Variants in OLIG3 observed in about 807,000 individuals in gnomAD.
OLIG3 encodes oligodendrocyte transcription factor 3, also known as class B basic helix-loop-helix protein 7.
OLIG3 carries 12 observed loss-of-function variants against 14.7 expected under a neutral mutation model. That is an observed-to-expected ratio of 0.82 (90% confidence interval 0.52 to 1.32). OLIG3 has a LOEUF of 1.32. Ranked by LOEUF, OLIG3 falls within the 40% of genes most tolerant of loss-of-function variation. OLIG3 has a pLI of 0.00. For synonymous variants in OLIG3, 192 were observed against 171.4 expected (o/e 1.12, Z -0.94); for missense variants, 405 against 373.7 (o/e 1.08, Z -0.69).
rs528528791 is a variant in OLIG3, at chr6:137,493,658, G to A, written c.513C>T (p.Pro171=). 5.0e-6 allele frequency: 8 copies of A among 1,609,260 alleles called. No individual in the cohort carries two copies. Among genetic ancestry groups the A allele is most frequent in the Admixed American group, 3.3e-5 (2 of 59,958 alleles). Residue 171 remains proline, a synonymous_variant, in exon 1 of 1, where the codon CCC becomes CCT. Coordinates refer to ENST00000367734, the MANE Select transcript of OLIG3 (RefSeq NM_175747.2). The surrounding 1 kb of genome is among the most constrained non-coding windows in gnomAD (Gnocchi z 6.1). ...CGTVGHSAGH[P]AHAANSVHPV... ...GGTGCACGGAGTTGGCCGCGTGCGC[G>A]GGGTGGCCGGCCGAGTGGCCCACGG... is the stretch of plus-strand genomic sequence containing the variant.
At position 137,493,570 on chromosome 6, in the gene OLIG3, C is replaced by T. The variant is rs200172504; in HGVS notation, c.601G>A (p.Ala201Thr). ...ATGGTGCCGATGGCGGGAAGTGAGG[C>T]GGCGGACAGCGGTGACGAGGCGTTG... Reference protein sequence around the residue: ...SGNASSPLSAASLPAIGTIRP... With the variant: ...SGNASSPLSATSLPAIGTIRP... The change falls in exon 1 of 1, where the codon GCC becomes ACC. Residue 201 changes from alanine (A) to threonine (T), a missense_variant. Ala to Thr is a moderately conservative substitution (Grantham distance 58). This residue lies in a region of OLIG3 where 230 missense variants were observed against 178.5 expected (regional missense o/e 1.29). Coordinates refer to ENST00000367734, the MANE Select transcript of OLIG3 (RefSeq NM_175747.2). This position sits in a 1 kb window ranked among gnomAD's most constrained non-coding sequence, Gnocchi z 6.1. The T allele has an allele frequency of 3.1e-6, 5 of 1,588,626 alleles. No individual in the cohort carries two copies. The Admixed American group carries it at 8.8e-5, about 28-fold the overall frequency.
Position 137,494,181 on chromosome 6 carries a change from G to T in OLIG3, c.-11C>A. The T allele has an allele frequency of 5.0e-6, 8 of 1,607,246 alleles. No individual in the cohort carries two copies. The highest frequency in any genetic ancestry group is 6.8e-6 in the Non-Finnish European group (8 of 1,175,644). ...CGAATCAGAATTCATTTTATTACAG[G>T]GGATGCGGCCCTACCGTGGGGAGGC... On this transcript the variant is annotated 5_prime_UTR_variant, in exon 1 of 1. Coordinates refer to ENST00000367734, the MANE Select transcript of OLIG3 (RefSeq NM_175747.2).
Position 137,493,167 on chromosome 6 carries a change from T to C in OLIG3, c.*185A>G. The C allele has an allele frequency of 1.9e-6, 1 of 531,250 alleles. No homozygotes were observed. 32.9% of individuals were successfully genotyped at this position (531,250 alleles called of 1,614,324 possible). On this transcript the variant is annotated 3_prime_UTR_variant, in exon 1 of 1. Coordinates refer to ENST00000367734, the MANE Select transcript of OLIG3 (RefSeq NM_175747.2). The surrounding 1 kb of genome is among the most constrained non-coding windows in gnomAD (Gnocchi z 6.1). ...CTACCACCTAGAAATTGCGGTTTGA[T>C]TTTGGTCCTTTCCCTCCGGGGGTCA...
At position 137,493,507 on chromosome 6, in the gene OLIG3, G is replaced by A. The variant is rs1198351860; in HGVS notation, c.664C>T (p.Pro222Ser). Reference sequence around the variant, plus strand: ...CCGCTGCCCAGCTGCAGCGCGGGCGGCGTGGAGGGCGCCTTGAGTAGCGAG... The same window carrying A: ...CCGCTGCCCAGCTGCAGCGCGGGCGACGTGGAGGGCGCCTTGAGTAGCGAG... ...PHSLLKAPST[P>S]PALQLGSGFQ... The change falls in exon 1 of 1, where the codon CCG (proline) becomes TCG (serine). Residue 222 changes from proline (P) to serine (S), a missense_variant. By Grantham distance (74) the Pro-to-Ser change is moderately conservative (BLOSUM62 -1). Coordinates refer to ENST00000367734, the MANE Select transcript of OLIG3 (RefSeq NM_175747.2). The surrounding 1 kb of genome is among the most constrained non-coding windows in gnomAD (Gnocchi z 6.1). 1 of 1,572,232 alleles carries A rather than the reference G, an allele frequency of 6.4e-7. No homozygotes were observed. Among genetic ancestry groups the A allele is most frequent in the South Asian group, 1.2e-5 (1 of 85,890 alleles).
Position 137,492,879 on chromosome 6 carries a change from A to C in OLIG3, c.*473T>G, listed in dbSNP as rs1192452208. The C allele has an allele frequency of 6.4e-6, 1 of 156,004 alleles. No individual in the cohort carries two copies. The highest frequency in any genetic ancestry group is 1.4e-5 in the Non-Finnish European group (1 of 70,332). The allele number at this position is 156,004 out of a possible 1,614,324, so 9.7% of individuals were successfully genotyped here. A position where few individuals can be genotyped will look rare whatever the true frequency, so the allele number is the denominator to read the frequency against. On this transcript the variant is annotated 3_prime_UTR_variant, in exon 1 of 1. Transcript: ENST00000367734. ...TAGAAAAACTGTGGCAAGGACAGAG[A>C]CAATCATAATCGCATCCATCTCAAG...
chr6:137,493,781 G>A lies in OLIG3; in HGVS notation c.390C>T (p.Ala130=). 1 of 1,614,198 alleles carries A rather than the reference G, an allele frequency of 6.2e-7. No homozygotes were observed. Among genetic ancestry groups the A allele is most frequent in the Non-Finnish European group, 8.5e-7 (1 of 1,180,042 alleles). ...KLSKIATLLL[A]RNYILMLTSS... is the part of the protein sequence containing the mutation. Reference sequence around the variant, plus strand: ...TGGTGAGCATGAGGATGTAGTTTCTGGCGAGCAGGAGTGTGGCGATCTTGG... The same window carrying A: ...TGGTGAGCATGAGGATGTAGTTTCTAGCGAGCAGGAGTGTGGCGATCTTGG... Residue 130 remains alanine (A), a synonymous_variant, in exon 1 of 1, where the codon GCC becomes GCT. Transcript: ENST00000367734. This position sits in a 1 kb window ranked among gnomAD's most constrained non-coding sequence, Gnocchi z 6.1.
rs566103312 is a variant in OLIG3, at chr6:137,493,287, C to T, written c.*65G>A. 1.5e-4 allele frequency: 198 copies of T among 1,350,974 alleles called. No homozygotes were observed. In the African/African-American group the frequency reaches 2.7e-3, roughly 18 times the overall value. The allele number at this position is 1,350,974 out of a possible 1,614,324, so 83.7% of individuals were successfully genotyped here. ...AGCGTGCAGCCTCCCTCTTCCCTCC[C>T]GGCCCGGCACCGCGGCCCCTCCCGC... On this transcript the variant is annotated 3_prime_UTR_variant, in exon 1 of 1. Transcript: ENST00000367734. The surrounding 1 kb of genome is among the most constrained non-coding windows in gnomAD (Gnocchi z 6.1).
rs757980550 is a variant in OLIG3, at chr6:137,493,367, C to A, written c.804G>T (p.Lys268Asn). 3.8e-6 allele frequency: 6 copies of A among 1,587,984 alleles called. No individual in the cohort carries two copies. The highest frequency in any genetic ancestry group is 3.5e-4 in the Middle Eastern group (2 of 5,642). ...CGCCCGCTGCTCACTTGAGCAAGTC[C>A]TTGGACTCGGCCGACAGCCGGGCCA... Reference protein sequence around the residue: ...ANMARLSAESKDLLK With the variant: ...ANMARLSAESNDLLK Residue 268 changes from lysine (K) to asparagine (N), a missense_variant, in exon 1 of 1, where the codon AAG (lysine) becomes AAT (asparagine). Physicochemically the swap from Lys to Asn is moderately conservative, Grantham distance 94. This residue lies in a region of OLIG3 where 230 missense variants were observed against 178.5 expected (regional missense o/e 1.29). Coordinates refer to ENST00000367734, the MANE Select transcript of OLIG3 (RefSeq NM_175747.2). This position sits in a 1 kb window ranked among gnomAD's most constrained non-coding sequence, Gnocchi z 6.1.
chr6:137,494,206 C>T lies in OLIG3; in HGVS notation c.-36G>A, dbSNP rs745379379. 4.6e-6 allele frequency: 7 copies of T among 1,516,642 alleles called. No homozygotes were observed. Among genetic ancestry groups the T allele is most frequent in the Non-Finnish European group, 5.3e-6 (6 of 1,123,096 alleles). The allele number at this position is 1,516,642 out of a possible 1,614,324, so 93.9% of individuals were successfully genotyped here. ...GGGATGCGGCCCTACCGTGGGGAGGCTTTAGGCGGGAAATTAAAGAAAATC... is the reference window on the plus strand; with the variant it reads ...GGGATGCGGCCCTACCGTGGGGAGGTTTTAGGCGGGAAATTAAAGAAAATC... On this transcript the variant is annotated 5_prime_UTR_variant, in exon 1 of 1. Coordinates refer to ENST00000367734, the MANE Select transcript of OLIG3 (RefSeq NM_175747.2).
In OLIG3 at chr6:137,493,985, C is replaced by G; in HGVS notation, c.186G>C (p.Lys62Asn). 1 of 1,613,912 alleles carries G rather than the reference C, an allele frequency of 6.2e-7. No individual in the cohort carries two copies. The highest frequency in any genetic ancestry group is 8.5e-7 in the Non-Finnish European group (1 of 1,180,048). The change falls in exon 1 of 1, where the codon AAG (lysine) becomes AAC (asparagine). Residue 62 changes from lysine (K) to asparagine (N), a missense_variant. Physicochemically the swap from Lys to Asn is moderately conservative, Grantham distance 94. Transcript: ENST00000367734. The surrounding 1 kb of genome is among the most constrained non-coding windows in gnomAD (Gnocchi z 6.1). ...TGTACTTGCTGCTCTCTCCCGCGGCCTTGGCGCCAGCCCGCGAGAGGCTTT... is the reference window on the plus strand; with the variant it reads ...TGTACTTGCTGCTCTCTCCCGCGGCGTTGGCGCCAGCCCGCGAGAGGCTTT... ...PGESLSRAGAKAAGESSKYKI... is the reference protein window; with the variant it reads ...PGESLSRAGANAAGESSKYKI...
Position 137,493,609 on chromosome 6 carries a change from C to T in OLIG3, c.562G>A (p.Ala188Thr). ...VHPVHPILGG[A>T]LSSGNASSPL... is the part of the protein sequence containing the mutation. Reference sequence around the variant, plus strand: ...GACGAGGCGTTGCCAGATGAGAGCGCGCCGCCCAAGATGGGGTGCACCGGG... The same window carrying T: ...GACGAGGCGTTGCCAGATGAGAGCGTGCCGCCCAAGATGGGGTGCACCGGG... The change falls in exon 1 of 1, where the codon GCG (alanine) becomes ACG (threonine). Residue 188 changes from alanine (A) to threonine (T), a missense_variant. Around this residue, in one of 3 missense-constraint regions of OLIG3, gnomAD observed 230 missense variants for 178.5 expected, o/e 1.29. Coordinates refer to ENST00000367734, the MANE Select transcript of OLIG3 (RefSeq NM_175747.2). This position sits in a 1 kb window ranked among gnomAD's most constrained non-coding sequence, Gnocchi z 6.1. The T allele has an allele frequency of 6.2e-7, 1 of 1,604,184 alleles. No homozygotes were observed. The highest frequency in any genetic ancestry group is 8.5e-7 in the Non-Finnish European group (1 of 1,177,462).
chr6:137,492,380 A>G lies in OLIG3; in HGVS notation c.*972T>C, dbSNP rs994112450. On this transcript the variant is annotated 3_prime_UTR_variant, in exon 1 of 1. Coordinates refer to ENST00000367734, the MANE Select transcript of OLIG3 (RefSeq NM_175747.2). ...ACGGCACCCCTCCCAAAACCAGGAT[A>G]AGTTTTCAAAGCTGATAATAGAGAG... 1 of 152,732 alleles carries G rather than the reference A, an allele frequency of 6.5e-6. No homozygotes were observed. Among genetic ancestry groups the G allele is most frequent in the Non-Finnish European group, 1.5e-5 (1 of 68,038 alleles). 9.5% of individuals were successfully genotyped at this position (152,732 alleles called of 1,614,324 possible). A position where few individuals can be genotyped will look rare whatever the true frequency, so the allele number is the denominator to read the frequency against.
At position 137,493,887 on chromosome 6, in the gene OLIG3, C is replaced by T; in HGVS notation, c.284G>A (p.Arg95Gln). 1.2e-6 allele frequency: 2 copies of T among 1,614,226 alleles called. No homozygotes were observed. Among genetic ancestry groups the T allele is most frequent in the Non-Finnish European group, 1.7e-6 (2 of 1,180,040 alleles). The change falls in exon 1 of 1, where the codon CGG (arginine) becomes CAG (glutamine). Residue 95 changes from arginine to glutamine, a missense_variant. Around this residue, in one of 3 missense-constraint regions of OLIG3, gnomAD observed 165 missense variants for 165.5 expected, o/e 1.00. Transcript: ENST00000367734. This position sits in a 1 kb window ranked among gnomAD's most constrained non-coding sequence, Gnocchi z 6.1. Reference sequence around the variant, plus strand: ...CATGGCTAGGTTCAGGTCGTGCATCCGCTTGCGTTCGCGTCCGTTGATCTT... The same window carrying T: ...CATGGCTAGGTTCAGGTCGTGCATCTGCTTGCGTTCGCGTCCGTTGATCTT... ...RLKINGRERKRMHDLNLAMDG... is the reference protein window; with the variant it reads ...RLKINGRERKQMHDLNLAMDG...
Position 137,494,098 on chromosome 6 carries a change from G to T in OLIG3, c.73C>A (p.His25Asn). ...PDMDEMYLRD[H>N]HHRHHHHQES... ...TGGTGGTGGTGGTGGCGGTGGTGGT[G>T]GTCCCTCAGGTACATCTCATCCATG... Residue 25 changes from histidine (H) to asparagine (N), a missense_variant, in exon 1 of 1, where the codon CAC becomes AAC. His to Asn is a moderately conservative substitution (Grantham distance 68). Transcript: ENST00000367734. 3 of 1,612,824 alleles carry T rather than the reference G, an allele frequency of 1.9e-6. No individual in the cohort carries two copies. The highest frequency in any genetic ancestry group is 2.5e-6 in the Non-Finnish European group (3 of 1,180,010).
chr6:137,494,055 G>A lies in OLIG3; in HGVS notation c.116C>T (p.Ser39Leu), dbSNP rs765496382. 1 of 1,612,342 alleles carries A rather than the reference G, an allele frequency of 6.2e-7. No homozygotes were observed. The highest frequency in any genetic ancestry group is 1.1e-5 in the South Asian group (1 of 91,074). ...HHHHQESRLN[S>L]VSSTQGDMMQ... ...CATATCGCCCTGCGTGGACGAGACC[G>A]AGTTGAGACGGCTCTCCTGGTGGTG... Residue 39 changes from serine to leucine, a missense_variant, in exon 1 of 1, where the codon TCG (serine) becomes TTG (leucine). Physicochemically the swap from Ser to Leu is moderately radical, Grantham distance 145. Around this residue, in one of 3 missense-constraint regions of OLIG3, gnomAD observed 165 missense variants for 165.5 expected, o/e 1.00. Coordinates refer to ENST00000367734, the MANE Select transcript of OLIG3 (RefSeq NM_175747.2).
chr6:137,494,338 C>T lies in OLIG3; in HGVS notation c.-168G>A. On this transcript the variant is annotated 5_prime_UTR_variant, in exon 1 of 1. It adds an upstream start codon to the 5' untranslated region. Transcript: ENST00000367734. ...CTTTTCCCCGCCTCTCTCCCTCCCA[C>T]GCCCCTCTCTCTGGTTAGGCTGCTT... The T allele has an allele frequency of 6.2e-6, 4 of 648,024 alleles. No homozygotes were observed. The highest frequency in any genetic ancestry group is 1.1e-5 in the Non-Finnish European group (4 of 368,560). The allele number at this position is 648,024 out of a possible 1,614,324, so 40.1% of individuals were successfully genotyped here.
In OLIG3 at chr6:137,493,387, G is replaced by C; in HGVS notation, c.784C>G (p.Arg262Gly). The change falls in exon 1 of 1, where the codon CGG becomes GGG. Residue 262 changes from arginine (R) to glycine (G), a missense_variant. Around this residue, in one of 3 missense-constraint regions of OLIG3, gnomAD observed 230 missense variants for 178.5 expected, o/e 1.29. Transcript: ENST00000367734. The surrounding 1 kb of genome is among the most constrained non-coding windows in gnomAD (Gnocchi z 6.1). ...LSALSTANMARLSAESKDLLK is the reference protein window; with the variant it reads ...LSALSTANMAGLSAESKDLLK ...AAGTCCTTGGACTCGGCCGACAGCC[G>C]GGCCATGTTGGCTGTGGAGAGAGCG... 3 of 1,592,920 alleles carry C rather than the reference G, an allele frequency of 1.9e-6. No individual in the cohort carries two copies. Among genetic ancestry groups the C allele is most frequent in the Non-Finnish European group, 2.6e-6 (3 of 1,176,424 alleles).
At position 137,493,755 on chromosome 6, in the gene OLIG3, C is replaced by T; in HGVS notation, c.416G>A (p.Ser139Asn). ...CAGCCTCTTCATCTCCTCCAGGGAG[C>T]TGGTGAGCATGAGGATGTAGTTTCT... ...LARNYILMLT[S>N]SLEEMKRLVG... Residue 139 changes from serine (S) to asparagine (N), a missense_variant, in exon 1 of 1, where the codon AGC becomes AAC. Transcript: ENST00000367734. The surrounding 1 kb of genome is among the most constrained non-coding windows in gnomAD (Gnocchi z 6.1). 1 of 1,614,136 alleles carries T rather than the reference C, an allele frequency of 6.2e-7. No individual in the cohort carries two copies. The highest frequency in any genetic ancestry group is 1.1e-5 in the South Asian group (1 of 91,092).
At position 137,493,296 on chromosome 6, in the gene OLIG3, A is replaced by C. The variant is rs914147746; in HGVS notation, c.*56T>G. The C allele has an allele frequency of 5.1e-6, 7 of 1,385,048 alleles. No homozygotes were observed. The highest frequency in any genetic ancestry group is 6.7e-6 in the Non-Finnish European group (7 of 1,051,690). 85.8% of individuals were successfully genotyped at this position (1,385,048 alleles called of 1,614,324 possible). On this transcript the variant is annotated 3_prime_UTR_variant, in exon 1 of 1. Coordinates refer to ENST00000367734, the MANE Select transcript of OLIG3 (RefSeq NM_175747.2). This position sits in a 1 kb window ranked among gnomAD's most constrained non-coding sequence, Gnocchi z 6.1. ...CCTCCCTCTTCCCTCCCGGCCCGGCACCGCGGCCCCTCCCGCCGCTCTCCC... is the reference window on the plus strand; with the variant it reads ...CCTCCCTCTTCCCTCCCGGCCCGGCCCCGCGGCCCCTCCCGCCGCTCTCCC...
Sources: allele counts gnomAD v4.1 joint callset, GRCh38; gene constraint gnomAD v4.1.1; regional missense constraint gnomAD v4.1.1; non-coding constraint Gnocchi (gnomAD v3.1); transcripts MANE v1.5; gene names NCBI Gene and HGNC (gene_info 2026-07-23, HGNC 2026-07-21).